RORA: variants seen among roughly 807,000 people sequenced by gnomAD.
RORA encodes nuclear receptor ROR-alpha.
Under a neutral mutation model 69.5 loss-of-function variants are expected in RORA, and 7 were observed. The observed-to-expected ratio is 0.10, with a 90% CI of 0.06 to 0.19. The LOEUF is 0.19. Ranked by LOEUF, RORA falls within the 10% of genes least tolerant of loss-of-function variation. The probability of loss-of-function intolerance (pLI) is 1.00; values close to 1 mark genes in which losing one functional copy is unlikely to be tolerated. For synonymous variants in RORA, 261 were observed against 240.8 expected (o/e 1.08, Z -0.78); for missense variants, 457 against 663.0 (o/e 0.69, Z 3.41).
chr15:61,140,597 T>C (rs534560177), intron 1 of RORA, among the ~76,000 whole-genome samples: 1 of 152,154 alleles, frequency 6.6e-6, no homozygotes, highest in Admixed American at 6.5e-5. Context: ...CTGATCCCTA[T>C]GGGAGCCACT....
intron 1 of RORA, among the ~76,000 whole-genome samples, chr15:60,926,836 T>C (rs1407046522): frequency 6.6e-6 from 1 of 152,240 alleles, no homozygotes; most frequent in Non-Finnish European, 1.5e-5. Flanking sequence ...TAAAACTGTC[T>C]ATATGATGTA....
intron 1 of RORA, among the ~76,000 whole-genome samples, chr15:60,759,617 C>T (rs1317861551): frequency 6.6e-6 from 1 of 152,172 alleles, no homozygotes; most frequent in Non-Finnish European, 1.5e-5. Context: ...CTCAGATTTG[C>T]CCATACACAT....
At chr15:60,546,272 A>C (rs1261177016) in intron 2 of RORA, 1 of 152,218 alleles carries the variant, frequency 6.6e-6, no homozygotes, top group African/African-American at 2.4e-5. Context: ...CAGGGATTTG[A>C]TTTAGGACAA....
intron 1 of RORA, among the ~76,000 whole-genome samples, chr15:61,033,271 G>A (rs534739762): frequency 2.6e-5 from 4 of 152,286 alleles, no homozygotes; most frequent in Admixed American, 2.6e-4. Flanking sequence ...GGAGAGTGCT[G>A]CTGAGTTTTC....
In RORA at chr15:61,116,191, C is replaced by T. The variant is rs1257930706; in HGVS notation, c.166+112862G>A. Among the ~76,000 whole-genome samples the T allele has an allele frequency of 2.6e-5, 4 of 152,246 alleles. No individual in the cohort carries two copies. The East Asian group carries it at 7.7e-4, about 29-fold the overall frequency. On this transcript the variant is annotated intron_variant, in intron 1 of 10. Coordinates refer to ENST00000335670, the MANE Select transcript of RORA (RefSeq NM_134261.3). ...TAGCTATGAAAATGGAGTAATCATTCAGGTGTGGTACAGATGGCATTGGAA... is the reference window on the plus strand; with the variant it reads ...TAGCTATGAAAATGGAGTAATCATTTAGGTGTGGTACAGATGGCATTGGAA...
chr15:60,745,046 T>C (rs2071628254), intron 1 of RORA, among the ~76,000 whole-genome samples: 1 of 152,236 alleles, frequency 6.6e-6, no homozygotes, highest in African/African-American at 2.4e-5. Flanking sequence ...CCCATCTCAA[T>C]GGACGGCTCT....
At chr15:60,770,278 A>T (rs989402284) in intron 1 of RORA, among the ~76,000 whole-genome samples, 12 of 152,082 alleles carry the variant, frequency 7.9e-5, no homozygotes, top group African/African-American at 1.2e-4. Flanking sequence ...TAATTTTCCT[A>T]TTATGTTTTT....
intron 1 of RORA, among the ~76,000 whole-genome samples, chr15:60,975,945 G>C (rs1425454798): frequency 6.6e-6 from 1 of 152,108 alleles, no homozygotes; most frequent in Admixed American, 6.5e-5. Flanking sequence ...CTTGGGAGGG[G>C]ACCTTTCCAG....
chr15:60,722,395 T>G (rs73426295), intron 1 of RORA, among the ~76,000 whole-genome samples: 19,804 of 152,214 alleles, frequency 0.13, 1,778 homozygotes, highest in African/African-American at 0.25. Context: ...CACTGCACTA[T>G]TTCTTAGAAC....
chr15:60,597,736 T>C (rs2068729389), intron 2 of RORA, among the ~76,000 whole-genome samples: 2 of 147,270 alleles, frequency 1.4e-5, no homozygotes, highest in East Asian at 4.1e-4. Flanking sequence ...GCTTTCTACA[T>C]CACATCGGGC....
At chr15:60,827,984 G>A (rs2072988912) in intron 1 of RORA, among the ~76,000 whole-genome samples, 1 of 152,216 alleles carries the variant, frequency 6.6e-6, no homozygotes, top group African/African-American at 2.4e-5. Flanking sequence ...ACTGGATGAA[G>A]TAAGACAGAT....
Position 60,511,674 on chromosome 15 carries a change from T to C in RORA, c.425-53A>G. On this transcript the variant is annotated intron_variant, in intron 4 of 10. Coordinates refer to ENST00000335670, the MANE Select transcript of RORA (RefSeq NM_134261.3). The surrounding 1 kb of genome is among the most constrained non-coding windows in gnomAD (Gnocchi z 6.4). ...CATACAATGCGCTTTTCTTCAATAT[T>C]CTCTCCTGCGAGCTTTGGGGTTTCC... 2.0e-6 allele frequency: 3 copies of C among 1,518,598 alleles called. No individual in the cohort carries two copies. Among genetic ancestry groups the C allele is most frequent in the Non-Finnish European group, 2.6e-6 (3 of 1,133,988 alleles). 94.1% of individuals were successfully genotyped at this position (1,518,598 alleles called of 1,614,324 possible). A position where few individuals can be genotyped will look rare whatever the true frequency, so the allele number is the denominator to read the frequency against.
chr15:60,756,002 G>A (rs908448526), intron 1 of RORA, among the ~76,000 whole-genome samples: 13 of 152,176 alleles, frequency 8.5e-5, no homozygotes, highest in South Asian at 4.1e-4. Context: ...TGAACAAAAC[G>A]AAATCCTTGC....
chr15:61,029,022 AT>A (rs1895991511), intron 1 of RORA, among the ~76,000 whole-genome samples: 1 of 152,072 alleles, frequency 6.6e-6, no homozygotes, highest in Non-Finnish European at 1.5e-5. Context: ...TGATGAATAT[AT>A]TCTGAAATAA....
At chr15:60,984,900 G>C (rs1894155562) in intron 1 of RORA, among the ~76,000 whole-genome samples, 1 of 151,598 alleles carries the variant, frequency 6.6e-6, no homozygotes, top group Non-Finnish European at 1.5e-5. Context: ...GGAGGGAGAG[G>C]GGAGGAACTA....
At chr15:60,559,783 C>T (rs2067478116) in intron 2 of RORA, among the ~76,000 whole-genome samples, 2 of 152,322 alleles carry the variant, frequency 1.3e-5, no homozygotes, top group East Asian at 3.9e-4. Context: ...TCGATCTCTT[C>T]TCAATGCCTT....
At chr15:60,749,949 G>C (rs780838543) in intron 1 of RORA, among the ~76,000 whole-genome samples, 1 of 152,162 alleles carries the variant, frequency 6.6e-6, no homozygotes, top group Non-Finnish European at 1.5e-5. Flanking sequence ...AGAATTGCTT[G>C]AGTCTGGAAT....
rs33962963 is a variant in RORA at position 60,703,126 on chromosome 15, A to AACACAC, written c.167-24446_167-24441dup. On this transcript the variant is annotated intron_variant, in intron 1 of 10. Transcript: ENST00000335670. ...GAGCAAGGAGACGATGCTTCAGATT[A>AACACAC]ACACACACACACACACACACACACA... 9.6e-3 allele frequency among the ~76,000 whole-genome samples: 1,401 copies of AACACAC among 145,554 alleles called. 20 individuals are homozygous for AACACAC. The highest frequency in any genetic ancestry group is 0.03 in the African/African-American group (1,184 of 39,486).
At chr15:61,120,450 A>G (rs1317240995) in intron 1 of RORA, among the ~76,000 whole-genome samples, 1 of 152,130 alleles carries the variant, frequency 6.6e-6, no homozygotes, top group East Asian at 1.9e-4. Flanking sequence ...CTGTAATCCC[A>G]GCACTTTGGG....
Sources: gnomAD v4.1 joint callset for allele counts (sites outside exome capture counted in the v4.1 genomes callset) on GRCh38, gnomAD v4.1.1 for gene constraint, Gnocchi (gnomAD v3.1) non-coding constraint, MANE v1.5 for transcripts, NCBI Gene and HGNC (gene_info 2026-07-23, HGNC 2026-07-21) for gene names.